Variants in ATP2B2 observed in about 807,000 individuals in gnomAD.
ATP2B2 encodes plasma membrane calcium-transporting ATPase 2.
Under a neutral mutation model 120.0 loss-of-function variants are expected in ATP2B2, and 15 were observed. That is an observed-to-expected ratio of 0.12 (90% CI 0.08 to 0.19). The LOEUF is 0.19. ATP2B2 is among the 10% of genes least tolerant of loss of function. ATP2B2 has a pLI of 1.00. For missense variants in ATP2B2, 1,045 were observed against 1,719.8 expected (o/e 0.61, Z 6.94); for synonymous variants, 694 against 700.3 (o/e 0.99, Z 0.14).
chr3:10,496,148 T>C (rs926119369), intron 1 of ATP2B2, among the ~76,000 whole-genome samples: 2 of 152,184 alleles, frequency 1.3e-5, no homozygotes, highest in Admixed American at 6.5e-5. Flanking sequence ...AGTTGATAAA[T>C]TTAGAAGTGG....
chr3:10,500,045 C>T (rs1048777147), intron 1 of ATP2B2, among the ~76,000 whole-genome samples: 1 of 150,944 alleles, frequency 6.6e-6, no homozygotes, highest in Non-Finnish European at 1.5e-5. Context: ...AAATGATTCT[C>T]CTGTCTCAGC....
At chr3:10,387,858 T>C (rs1199216800) in intron 6 of ATP2B2, 40 of 301,912 alleles carry the variant, frequency 1.3e-4, no homozygotes, top group Non-Finnish European at 1.9e-5. Flanking sequence ...GATGAATCTA[T>C]GCTGGGTGGA....
At chr3:10,453,114 C>T (rs189343400) in intron 1 of ATP2B2, among the ~76,000 whole-genome samples, 151 of 152,324 alleles carry the variant, frequency 9.9e-4, no homozygotes, top group African/African-American at 3.5e-3. Flanking sequence ...ATATCTATCT[C>T]AGAGACGCTG....
intron 1 of ATP2B2, among the ~76,000 whole-genome samples, chr3:10,666,234 T>C (rs1326695744): frequency 1.3e-5 from 2 of 152,132 alleles, no homozygotes; most frequent in Non-Finnish European, 2.9e-5. Flanking sequence ...GCTACTACGC[T>C]GCTTTTAAAA....
intron 1 of ATP2B2, among the ~76,000 whole-genome samples, chr3:10,492,915 A>G (rs550698704): frequency 6.6e-6 from 1 of 152,304 alleles, no homozygotes; most frequent in Admixed American, 6.5e-5. Context: ...GACATTTTCT[A>G]GGATGGCGCC....
intron 1 of ATP2B2, among the ~76,000 whole-genome samples, chr3:10,681,270 CCA>C (rs2071375708): frequency 6.6e-6 from 1 of 152,232 alleles, no homozygotes; most frequent in Admixed American, 6.5e-5. Context: ...CCCTGTGTGG[CCA>C]CGTCCCCCAG....
chr3:10,606,533 T>C (rs1454785150), intron 2 of ATP2B2, among the ~76,000 whole-genome samples: 1 of 152,154 alleles, frequency 6.6e-6, no homozygotes, highest in African/African-American at 2.4e-5. Flanking sequence ...TCCTCCTGGC[T>C]TGTATATTGG....
intron 1 of ATP2B2, among the ~76,000 whole-genome samples, chr3:10,682,562 A>G (rs982987307): frequency 2.0e-5 from 3 of 152,222 alleles, no homozygotes; most frequent in East Asian, 1.9e-4. Context: ...TGCATGGGAA[A>G]TGCTTAGTGA....
intron 2 of ATP2B2, among the ~76,000 whole-genome samples, chr3:10,411,113 A>G (rs570439871): frequency 6.6e-6 from 1 of 152,326 alleles, no homozygotes; most frequent in African/African-American, 2.4e-5. Context: ...TAAGGATATC[A>G]CGATGAGAGC....
chr3:10,332,730 C>CTTGCCA (rs2060014537), intron 22 of ATP2B2, among the ~76,000 whole-genome samples: 1 of 152,136 alleles, frequency 6.6e-6, no homozygotes, highest in Non-Finnish European at 1.5e-5. Context: ...ATGAGGGACT[C>CTTGCCA]CGGAGTCTGA....
chr3:10,330,531 G>A (rs1413589867), intron 22 of ATP2B2, among the ~76,000 whole-genome samples: 3 of 152,254 alleles, frequency 2.0e-5, no homozygotes, highest in African/African-American at 7.2e-5. Flanking sequence ...GGAGTCAGAG[G>A]TGGAGAAAAC....
intron 2 of ATP2B2, among the ~76,000 whole-genome samples, chr3:10,432,777 G>GACGC (rs1335266177): frequency 6.6e-6 from 1 of 152,230 alleles, no homozygotes; most frequent in Non-Finnish European, 1.5e-5. Context: ...GGGACAAAGG[G>GACGC]ACGCGGCTTT....
Position 10,584,874 on chromosome 3 carries a change from T to G in ATP2B2, c.-415+35043A>C, listed in dbSNP as rs140100854. ...TTTTCTTCCTCTGGGTTTCCCACTT[T>G]AGCAAATGGCCACTATCTTCCCAGT... On this transcript the variant is annotated intron_variant, in intron 2 of 21. Coordinates refer to the ATP2B2 transcript ENST00000646379. 3.0e-4 allele frequency among the ~76,000 whole-genome samples: 46 copies of G among 152,342 alleles called. No homozygotes were observed. The East Asian group carries it at 6.4e-3, about 21-fold the overall frequency.
At chr3:10,473,605 T>G (rs1356646896) in intron 1 of ATP2B2, among the ~76,000 whole-genome samples, 2 of 152,242 alleles carry the variant, frequency 1.3e-5, no homozygotes, top group Non-Finnish European at 2.9e-5. Flanking sequence ...CACTCCAGCC[T>G]GGGTGACAGA....
At chr3:10,428,140 T>G (rs2125090044) in intron 2 of ATP2B2, among the ~76,000 whole-genome samples, 1 of 152,312 alleles carries the variant, frequency 6.6e-6, no homozygotes, top group South Asian at 2.1e-4. Flanking sequence ...GGCCTGGGCA[T>G]GTTAACCTCC....
chr3:10,393,659 G>A (rs1037002943), intron 5 of ATP2B2, among the ~76,000 whole-genome samples: 1 of 152,234 alleles, frequency 6.6e-6, no homozygotes, highest in East Asian at 1.9e-4. Context: ...GTGGTGGGGA[G>A]CTGCCAGCTA....
chr3:10,696,468 T>C (rs1269499138), intron 1 of ATP2B2, among the ~76,000 whole-genome samples: 1 of 152,194 alleles, frequency 6.6e-6, no homozygotes, highest in Non-Finnish European at 1.5e-5. Flanking sequence ...CATGCTCTTC[T>C]GCCTCCTTTG....
intron 3 of ATP2B2, among the ~76,000 whole-genome samples, chr3:10,510,721 G>T (rs528015689): frequency 6.6e-6 from 1 of 152,326 alleles, no homozygotes; most frequent in South Asian, 2.1e-4. Flanking sequence ...CTGGAAGAAC[G>T]CAGAGCTTGG....
chr3:10,590,167 C>G (rs1282237291), intron 2 of ATP2B2, among the ~76,000 whole-genome samples: 1 of 152,130 alleles, frequency 6.6e-6, no homozygotes, highest in Non-Finnish European at 1.5e-5. Flanking sequence ...AGGCCCAAAG[C>G]TTACATTGAT....
Sources: gnomAD v4.1 joint callset for allele counts (sites outside exome capture counted in the v4.1 genomes callset) on GRCh38, gnomAD v4.1.1 for gene constraint, MANE v1.5 for transcripts, NCBI Gene and HGNC (gene_info 2026-07-23, HGNC 2026-07-21) for gene names.